The following ARMH3 variants were observed in gnomAD, a reference collection of about 807,000 sequenced individuals.
ARMH3 encodes armadillo-like helical domain-containing protein 3.
In ARMH3, 60 loss-of-function variants were observed where a neutral mutation model predicts 99.1. The observed-to-expected ratio is 0.61, with a 90% confidence interval of 0.49 to 0.75. The LOEUF is 0.75. Ranked by LOEUF, ARMH3 falls within the 30% of genes least tolerant of loss-of-function variation. The probability of loss-of-function intolerance (pLI) is 0.00; values close to 1 mark genes in which losing one functional copy is unlikely to be tolerated. For synonymous variants in ARMH3, 285 were observed against 292.8 expected (o/e 0.97, Z 0.27); for missense variants, 679 against 843.1 (o/e 0.81, Z 2.41).
chr10:101,945,398 A>G (rs1396479121), intron 22 of ARMH3, among the ~76,000 whole-genome samples: 3 of 152,200 alleles, frequency 2.0e-5, no homozygotes, highest in African/African-American at 7.2e-5. Context: ...CCTGGGCAAC[A>G]TGCCGAAATC....
chr10:101,962,289 T>C (rs1359529148), intron 20 of ARMH3, among the ~76,000 whole-genome samples: 1 of 152,102 alleles, frequency 6.6e-6, no homozygotes, highest in African/African-American at 2.4e-5. Context: ...TGTCCCAAAA[T>C]ACCAACGTGA....
At chr10:102,015,734 T>C (rs955879863) in intron 8 of ARMH3, among the ~76,000 whole-genome samples, 1 of 152,210 alleles carries the variant, frequency 6.6e-6, no homozygotes, top group African/African-American at 2.4e-5. Flanking sequence ...AAGCAAACGT[T>C]TGCATTCTAG....
chr10:101,948,415 G>A (rs920046932), intron 22 of ARMH3, among the ~76,000 whole-genome samples: 1 of 151,974 alleles, frequency 6.6e-6, no homozygotes, highest in African/African-American at 2.4e-5. Flanking sequence ...AAAAAGTTAA[G>A]GTATGCATGC....
chr10:101,849,916 AG>A, intron 24 of ARMH3, 24 bp from the exon 25 acceptor site: 1 of 1,604,978 alleles, frequency 6.2e-7, no homozygotes, highest in Non-Finnish European at 8.5e-7. Flanking sequence ...AGGGCCAGGC[AG>A]GGCTTAGGCC....
At chr10:101,910,625 G>A (rs1842824182) in intron 23 of ARMH3, among the ~76,000 whole-genome samples, 1 of 151,970 alleles carries the variant, frequency 6.6e-6, no homozygotes, top group South Asian at 2.1e-4. Context: ...CCAGCTACTT[G>A]GGAGGCTGAG....
chr10:101,942,434 G>T (rs995513178), intron 22 of ARMH3, among the ~76,000 whole-genome samples: 2 of 152,130 alleles, frequency 1.3e-5, no homozygotes, highest in Non-Finnish European at 2.9e-5. Context: ...AATTACCTTT[G>T]ATTTTAAAAA....
intron 1 of ARMH3, among the ~76,000 whole-genome samples, chr10:102,044,515 TGC>T (rs1216069865): frequency 6.6e-6 from 1 of 151,824 alleles, no homozygotes; most frequent in Non-Finnish European, 1.5e-5. Context: ...GAACTATAGG[TGC>T]GCGCCACCAC....
intron 24 of ARMH3, among the ~76,000 whole-genome samples, chr10:101,886,749 C>T (rs1269832120): frequency 6.6e-6 from 1 of 152,128 alleles, no homozygotes; most frequent in African/African-American, 2.4e-5. Flanking sequence ...TAGGGGTTGT[C>T]AGAATTCAAG....
At chr10:101,885,619 G>A (rs776707507) in intron 24 of ARMH3, among the ~76,000 whole-genome samples, 3 of 152,168 alleles carry the variant, frequency 2.0e-5, no homozygotes, top group African/African-American at 4.8e-5. Flanking sequence ...AGGGGCTCAG[G>A]GTAGGGGAAA....
intron 24 of ARMH3, among the ~76,000 whole-genome samples, chr10:101,886,420 G>T (rs1428398422): frequency 1.3e-5 from 2 of 151,944 alleles, no homozygotes; most frequent in South Asian, 4.2e-4. Flanking sequence ...TGAGGCAGGA[G>T]AATCGCTTGA....
intron 23 of ARMH3, among the ~76,000 whole-genome samples, chr10:101,910,135 G>T (rs778131884): frequency 8.5e-5 from 13 of 152,102 alleles, no homozygotes; most frequent in South Asian, 2.1e-4. Flanking sequence ...CTGGAGATTG[G>T]AATTTTCTTC....
At chr10:102,031,412 A>C (rs112225851) in intron 4 of ARMH3, among the ~76,000 whole-genome samples, 351 of 152,350 alleles carry the variant, frequency 2.3e-3, no homozygotes, top group African/African-American at 8.0e-3. Context: ...AAGTGGCTTA[A>C]TGTCAACTTA....
chr10:101,995,371 A>G lies in ARMH3; in HGVS notation c.1151-16T>C, dbSNP rs767466308. The stretch of plus-strand genomic sequence containing the variant: ...CTGTGTTCATCTGTAAAGAAAAAAG[A>G]AACTCTTCTCTGTAAATCATCCAGA... On this transcript the variant is annotated splice_polypyrimidine_tract_variant and intron_variant, in intron 15 of 25. Transcript: ENST00000370033. 24 of 1,607,626 alleles carry G rather than the reference A, an allele frequency of 1.5e-5. No individual in the cohort carries two copies. The highest frequency in any genetic ancestry group is 1.9e-5 in the Non-Finnish European group (22 of 1,174,912).
At chr10:101,932,400 T>C (rs1221857429) in intron 23 of ARMH3, among the ~76,000 whole-genome samples, 2 of 152,156 alleles carry the variant, frequency 1.3e-5, no homozygotes, top group Admixed American at 6.5e-5. Flanking sequence ...GATTCAGCAA[T>C]AACACTTCTG....
At chr10:101,933,758 C>T (rs1843827942) in intron 23 of ARMH3, among the ~76,000 whole-genome samples, 1 of 152,160 alleles carries the variant, frequency 6.6e-6, no homozygotes, top group Admixed American at 6.5e-5. Context: ...TATGAGCCTA[C>T]CTGCCACCTC....
At chr10:101,957,950 T>C (rs1387638679) in intron 20 of ARMH3, among the ~76,000 whole-genome samples, 1 of 152,208 alleles carries the variant, frequency 6.6e-6, no homozygotes, top group Non-Finnish European at 1.5e-5. Context: ...GGTTTTGAAA[T>C]AGCTACTTCT....
At chr10:101,889,237 C>A (rs2067626216) in intron 24 of ARMH3, among the ~76,000 whole-genome samples, 175 bp downstream of exon 24, 1 of 152,212 alleles carries the variant, frequency 6.6e-6, no homozygotes, top group Admixed American at 6.5e-5. Context: ...CAAACGCAGA[C>A]AGCATCACTC....
intron 22 of ARMH3, among the ~76,000 whole-genome samples, chr10:101,955,072 A>C (rs1347967507): frequency 1.3e-5 from 2 of 152,172 alleles, no homozygotes; most frequent in Non-Finnish European, 2.9e-5. Context: ...TCTACATTCT[A>C]CATTCTCAGG....
Position 101,957,572 on chromosome 10 carries a change from C to T in ARMH3, c.1578+78G>A, listed in dbSNP as rs888428578. ...CCTCTATGGCTTAGTCCCCAGACCA[C>T]CAGCTCCTGTTTCAAACCAGTGCAT... On this transcript the variant is annotated intron_variant, in intron 21 of 25. Transcript: ENST00000370033. 3.4e-6 allele frequency: 5 copies of T among 1,481,292 alleles called. No homozygotes were observed. The Middle Eastern group carries it at 8.8e-4, about 259-fold the overall frequency. The allele number at this position is 1,481,292 out of a possible 1,614,324, so 91.8% of individuals were successfully genotyped here.
Sources: gnomAD v4.1 joint callset for allele counts (sites outside exome capture counted in the v4.1 genomes callset) on GRCh38, gnomAD v4.1.1 for gene constraint, MANE v1.5 for transcripts, NCBI Gene and HGNC (gene_info 2026-07-23, HGNC 2026-07-21) for gene names.